GRM7: variants seen among roughly 807,000 people sequenced by gnomAD.
GRM7 encodes glutamate metabotropic receptor 7, also known as metabotropic glutamate receptor 7.
In GRM7, 35 loss-of-function variants were observed where a neutral mutation model predicts 84.5. That is an observed-to-expected ratio of 0.41 (90% CI 0.32 to 0.55). The LOEUF (loss-of-function observed/expected upper bound fraction) is 0.55, where lower values mean the gene tolerates loss of function less well. Among genes scored for constraint, GRM7 ranks in the 20% least tolerant of loss-of-function variants. The pLI is 0.19. For missense variants in GRM7, 1,003 were observed against 1,194.6 expected (o/e 0.84, Z 2.36); for synonymous variants, 487 against 455.1 (o/e 1.07, Z -0.89).
chr3:7,233,029 T>C (rs1040149824), intron 2 of GRM7, among the ~76,000 whole-genome samples: 4 of 152,172 alleles, frequency 2.6e-5, no homozygotes, highest in African/African-American at 4.8e-5. Flanking sequence ...TGAAGAGTGG[T>C]ATTAAAATAG....
rs577822301 is a variant in GRM7 at position 6,928,045 on chromosome 3, C to T, written c.519+66138C>T. 3.3e-5 allele frequency among the ~76,000 whole-genome samples: 5 copies of T among 152,150 alleles called. No homozygotes were observed. The highest frequency in any genetic ancestry group is 7.2e-5 in the African/African-American group (3 of 41,542). ...AATTTTTCAGAAATCTAAATCTAGA[C>T]CTTCACATTTGAAATTATTTCAGTT... On this transcript the variant is annotated intron_variant, in intron 1 of 9. Transcript: ENST00000357716. This position sits in a 1 kb window ranked among gnomAD's most constrained non-coding sequence, Gnocchi z 4.5.
At chr3:6,873,410 T>C (rs776688472) in intron 1 of GRM7, among the ~76,000 whole-genome samples, 4 of 152,164 alleles carry the variant, frequency 2.6e-5, no homozygotes, top group African/African-American at 7.2e-5. Flanking sequence ...CAGTATAGCA[T>C]AGTGGTTAAG....
chr3:7,298,910 A>G, intron 3 of GRM7, 85 bp downstream of exon 3: 1 of 1,179,934 alleles, frequency 8.5e-7, no homozygotes, highest in Non-Finnish European at 1.2e-6. Context: ...AGACAGGAAA[A>G]GATAGCATAA....
chr3:7,378,738 A>AT (rs1694461596), intron 4 of GRM7, among the ~76,000 whole-genome samples: 3 of 152,168 alleles, frequency 2.0e-5, no homozygotes, highest in Admixed American at 2.0e-4. Flanking sequence ...TAAACTTCTG[A>AT]TTTTTATTAT....
chr3:6,968,876 G>A (rs1693629282), intron 1 of GRM7, among the ~76,000 whole-genome samples: 1 of 152,194 alleles, frequency 6.6e-6, no homozygotes, highest in South Asian at 2.1e-4. Context: ...CCGCTCTGTA[G>A]AATATGAGCC....
intron 1 of GRM7, among the ~76,000 whole-genome samples, chr3:6,950,324 C>T (rs906283691): frequency 4.6e-5 from 7 of 152,180 alleles, no homozygotes; most frequent in Non-Finnish European, 8.8e-5. Flanking sequence ...AGGTCCACTC[C>T]AGACCCTGTT....
chr3:7,680,535 C>G (rs942530824), intron 9 of GRM7: 20 of 506,828 alleles, frequency 3.9e-5, no homozygotes, highest in South Asian at 2.4e-4. Flanking sequence ...GAAGCCTCCC[C>G]CTTCCCTTGC....
intron 2 of GRM7, among the ~76,000 whole-genome samples, chr3:7,253,554 T>C (rs1575084888): frequency 6.8e-6 from 1 of 147,474 alleles, no homozygotes; most frequent in Admixed American, 6.9e-5. Context: ...GAGGCAGAGG[T>C]TGTAGTGAGC....
At chr3:6,953,599 A>G (rs1692888461) in intron 1 of GRM7, among the ~76,000 whole-genome samples, 1 of 152,166 alleles carries the variant, frequency 6.6e-6, no homozygotes, top group African/African-American at 2.4e-5. Context: ...TTGTATAACT[A>G]AAAAAGCACA....
intron 7 of GRM7, among the ~76,000 whole-genome samples, chr3:7,557,706 C>A (rs755927639): frequency 6.6e-6 from 1 of 152,044 alleles, no homozygotes; most frequent in Non-Finnish European, 1.5e-5. Context: ...ACCTACCTGG[C>A]AATTGTAAAA....
At chr3:7,415,705 A>C (rs1696132017) in intron 5 of GRM7, among the ~76,000 whole-genome samples, 1 of 152,176 alleles carries the variant, frequency 6.6e-6, no homozygotes, top group Non-Finnish European at 1.5e-5. Context: ...TCACACATTC[A>C]TTCATTTATT....
intron 4 of GRM7, among the ~76,000 whole-genome samples, chr3:7,349,437 G>A (rs982024978): frequency 1.4e-4 from 22 of 152,130 alleles, no homozygotes; most frequent in African/African-American, 5.3e-4. Context: ...TTCTGATTTG[G>A]AATTTGTCTT....
At chr3:7,123,384 C>G (rs1037261437) in intron 1 of GRM7, among the ~76,000 whole-genome samples, 1 of 152,038 alleles carries the variant, frequency 6.6e-6, no homozygotes, top group Non-Finnish European at 1.5e-5. Flanking sequence ...TTTGGGAGGC[C>G]GAGGTGAGTG....
At chr3:6,950,413 G>T (rs780544201) in intron 1 of GRM7, among the ~76,000 whole-genome samples, 1 of 152,138 alleles carries the variant, frequency 6.6e-6, no homozygotes, top group Non-Finnish European at 1.5e-5. Context: ...TCGTTCCTCC[G>T]GAAATTTTGT....
chr3:7,360,922 A>G (rs1049899923), intron 4 of GRM7, among the ~76,000 whole-genome samples: 1 of 151,846 alleles, frequency 6.6e-6, no homozygotes, highest in African/African-American at 2.4e-5. Context: ...GTTTTCCTGC[A>G]TTCATGTTTA....
At chr3:6,992,668 G>A (rs1175784150) in intron 1 of GRM7, among the ~76,000 whole-genome samples, 1 of 152,132 alleles carries the variant, frequency 6.6e-6, no homozygotes, top group Non-Finnish European at 1.5e-5. Flanking sequence ...CCCAGTAAGG[G>A]ATAGAGACAT....
intron 2 of GRM7, among the ~76,000 whole-genome samples, chr3:7,164,070 A>C (rs1694719492): frequency 6.6e-6 from 1 of 152,182 alleles, no homozygotes; most frequent in Non-Finnish European, 1.5e-5. Flanking sequence ...TCAAAAATTA[A>C]AACCATAGCC....
chr3:7,380,057 T>C (rs981159928), intron 4 of GRM7, among the ~76,000 whole-genome samples: 2 of 152,198 alleles, frequency 1.3e-5, no homozygotes, highest in African/African-American at 4.8e-5. Context: ...TTCAAAACTA[T>C]TGAAAGCACT....
chr3:7,509,508 T>C (rs191039246), intron 7 of GRM7, among the ~76,000 whole-genome samples: 1 of 152,290 alleles, frequency 6.6e-6, no homozygotes, highest in African/African-American at 2.4e-5. Context: ...TATGTATGTA[T>C]ACATCCTCTG....
Sources: gnomAD v4.1 joint callset for allele counts (sites outside exome capture counted in the v4.1 genomes callset) on GRCh38, gnomAD v4.1.1 for gene constraint, Gnocchi (gnomAD v3.1) non-coding constraint, MANE v1.5 for transcripts, NCBI Gene and HGNC (gene_info 2026-07-23, HGNC 2026-07-21) for gene names.